CACNG2: variants seen among roughly 807,000 people sequenced by gnomAD.
The protein encoded by CACNG2 is calcium voltage-gated channel auxiliary subunit gamma 2.
Under a neutral mutation model 25.9 loss-of-function variants are expected in CACNG2, and 3 were observed. The ratio of observed to expected loss-of-function variants is 0.12; its 90% confidence interval spans 0.05 to 0.30. The LOEUF (loss-of-function observed/expected upper bound fraction) is 0.30, where lower values mean the gene tolerates loss of function less well. CACNG2 is among the 10% of genes least tolerant of loss of function. The pLI is 1.00. For missense variants in CACNG2, 341 were observed against 432.5 expected (o/e 0.79, Z 1.88); for synonymous variants, 167 against 173.3 (o/e 0.96, Z 0.29).
chr22:36,640,434 G>A (rs1242161934), intron 1 of CACNG2, among the ~76,000 whole-genome samples: 1 of 152,238 alleles, frequency 6.6e-6, no homozygotes, highest in Non-Finnish European at 1.5e-5. Context: ...CGGAGGAGCA[G>A]TGCCTCTCTC....
intron 1 of CACNG2, among the ~76,000 whole-genome samples, chr22:36,595,065 G>A (rs1167812828): frequency 1.3e-5 from 2 of 151,672 alleles, no homozygotes; most frequent in Non-Finnish European, 2.9e-5. Flanking sequence ...GTGTCTTTGT[G>A]TGTGTCTCTG....
At chr22:36,660,881 T>A (rs1176306156) in intron 1 of CACNG2, among the ~76,000 whole-genome samples, 3 of 152,220 alleles carry the variant, frequency 2.0e-5, no homozygotes, top group Non-Finnish European at 2.9e-5. Flanking sequence ...GATAAATGAC[T>A]TACTCTCCTC....
chr22:36,684,382 G>A lies in CACNG2; in HGVS notation c.211+17984C>T, dbSNP rs540952752. Among the ~76,000 whole-genome samples, 24 of 152,186 alleles carry A rather than the reference G, an allele frequency of 1.6e-4. 1 individual carries two copies. The highest frequency in any genetic ancestry group is 1.4e-3 in the Admixed American group (22 of 15,294). Reference sequence around the variant, plus strand: ...TGTAATCCCAGAACTTTGGGAGGCCGAGGTGGGTGGATCCCTTGAGCTCAG... The same window carrying A: ...TGTAATCCCAGAACTTTGGGAGGCCAAGGTGGGTGGATCCCTTGAGCTCAG... On this transcript the variant is annotated intron_variant, in intron 1 of 3. Transcript: ENST00000300105.
At position 36,587,523 on chromosome 22, in the gene CACNG2, T is replaced by C; in HGVS notation, c.237A>G (p.Gln79=). The change falls in exon 2 of 4, where the codon CAA becomes CAG. Residue 79 remains glutamine, a synonymous_variant. Transcript: ENST00000300105. ...CTGCATCCTCTGGGAAGTGATCAATTTGCTTGCACAGACCTTTGAAATTCC... is the reference window on the plus strand; with the variant it reads ...CTGCATCCTCTGGGAAGTGATCAATCTGCTTGCACAGACCTTTGAAATTCC... ...LEGNFKGLCK[Q]IDHFPEDADY... 6.2e-7 allele frequency: 1 copy of C among 1,613,584 alleles called. No individual in the cohort carries two copies. Among genetic ancestry groups the C allele is most frequent in the Non-Finnish European group, 8.5e-7 (1 of 1,179,454 alleles).
chr22:36,613,412 C>A (rs1221020648), intron 1 of CACNG2, among the ~76,000 whole-genome samples: 2 of 152,186 alleles, frequency 1.3e-5, no homozygotes, highest in Non-Finnish European at 2.9e-5. Flanking sequence ...GCCCCTACAG[C>A]TTTTGCTATG....
intron 1 of CACNG2, among the ~76,000 whole-genome samples, chr22:36,661,966 CTTTTTTTTTTTTTT>C (rs71193254): frequency 0.086 from 3,852 of 44,658 alleles, 250 homozygotes; most frequent in African/African-American, 0.16. Flanking sequence ...CATTGCTATT[CTTTTTTTTTTTTTT>C]TTTTTTTTTT....
At chr22:36,679,738 C>G (rs1225760246) in intron 1 of CACNG2, among the ~76,000 whole-genome samples, 1 of 152,124 alleles carries the variant, frequency 6.6e-6, no homozygotes, top group Non-Finnish European at 1.5e-5. Context: ...TCTCCCTGTT[C>G]TCTTAACTTG....
intron 1 of CACNG2, among the ~76,000 whole-genome samples, chr22:36,639,363 T>C (rs1350012304): frequency 6.6e-6 from 1 of 152,174 alleles, no homozygotes; most frequent in East Asian, 1.9e-4. Context: ...TTAGGGAAGG[T>C]CTTATAACTG....
chr22:36,583,707 C>T (rs1012716615), intron 2 of CACNG2, among the ~76,000 whole-genome samples: 1 of 152,214 alleles, frequency 6.6e-6, no homozygotes, highest in Admixed American at 6.5e-5. Context: ...ATCACCATGG[C>T]TACACTCTGG....
At chr22:36,579,447 T>C (rs1467692428) in intron 2 of CACNG2, among the ~76,000 whole-genome samples, 1 of 141,950 alleles carries the variant, frequency 7.0e-6, no homozygotes, top group Non-Finnish European at 1.5e-5. Context: ...GGCTGTCTTG[T>C]CAAATACATA....
intron 2 of CACNG2, among the ~76,000 whole-genome samples, chr22:36,568,065 G>A (rs1290499909): frequency 1.3e-5 from 2 of 152,130 alleles, no homozygotes; most frequent in African/African-American, 4.8e-5. Flanking sequence ...GGCCAGGCTG[G>A]TCTCAAACTC....
intron 2 of CACNG2, among the ~76,000 whole-genome samples, chr22:36,582,327 G>A (rs1001221828): frequency 6.6e-6 from 1 of 151,926 alleles, no homozygotes; most frequent in Non-Finnish European, 1.5e-5. Flanking sequence ...CTTGTCTCAC[G>A]GGGCTCAGTC....
At chr22:36,593,375 G>A (rs1192975285) in intron 1 of CACNG2, among the ~76,000 whole-genome samples, 5 of 152,168 alleles carry the variant, frequency 3.3e-5, no homozygotes, top group South Asian at 2.1e-4. Flanking sequence ...GAATGGCGGC[G>A]GCCATGAGGG....
chr22:36,652,526 C>A (rs964998851), intron 1 of CACNG2, among the ~76,000 whole-genome samples: 1 of 152,196 alleles, frequency 6.6e-6, no homozygotes, highest in African/African-American at 2.4e-5. Context: ...AGGCCTCAGG[C>A]TCTTTCTGAA....
chr22:36,564,258 G>T lies in CACNG2; in HGVS notation c.*93C>A, dbSNP rs1935083978. The T allele has an allele frequency of 9.4e-7, 1 of 1,068,642 alleles. No individual in the cohort carries two copies. The highest frequency in any genetic ancestry group is 1.3e-6 in the Non-Finnish European group (1 of 770,992). The allele number at this position is 1,068,642 out of a possible 1,614,324, so 66.2% of individuals were successfully genotyped here. ...TTGTTTTTTGTTTTTGCTTTTGGAAGGTCTCCCAGCGGAGGGTCTGGGTCT... is the reference window on the plus strand; with the variant it reads ...TTGTTTTTTGTTTTTGCTTTTGGAATGTCTCCCAGCGGAGGGTCTGGGTCT... On this transcript the variant is annotated 3_prime_UTR_variant, in exon 4 of 4. Coordinates refer to ENST00000300105, the MANE Select transcript of CACNG2 (RefSeq NM_006078.5). This position sits in a 1 kb window ranked among gnomAD's most constrained non-coding sequence, Gnocchi z 6.7.
chr22:36,645,313 G>A (rs192999079), intron 1 of CACNG2, among the ~76,000 whole-genome samples: 14 of 152,108 alleles, frequency 9.2e-5, no homozygotes, highest in Middle Eastern at 3.4e-3. Context: ...TGAGACGGGC[G>A]GATCACGAGA....
intron 1 of CACNG2, among the ~76,000 whole-genome samples, chr22:36,669,228 G>A (rs940188853): frequency 4.6e-5 from 7 of 152,168 alleles, no homozygotes; most frequent in Non-Finnish European, 7.4e-5. Flanking sequence ...GAGGCTGGGC[G>A]TGGTGGCTCA....
In CACNG2 at chr22:36,566,504, C is replaced by T; in HGVS notation, c.296-11G>A. 2 of 1,613,976 alleles carry T rather than the reference C, an allele frequency of 1.2e-6. No homozygotes were observed. Among genetic ancestry groups the T allele is most frequent in the South Asian group, 1.1e-5 (1 of 91,090 alleles). On this transcript the variant is annotated splice_polypyrimidine_tract_variant and intron_variant, in intron 2 of 3. Coordinates refer to ENST00000300105, the MANE Select transcript of CACNG2 (RefSeq NM_006078.5). ...AGGCCCTCACGGCCCCTGTGGAACA[C>T]AGAGGGTCAGGGAGAAAGAGAACGG...
At chr22:36,645,536 C>CAAAAAAAA (rs200600420) in intron 1 of CACNG2, among the ~76,000 whole-genome samples, 127 of 134,838 alleles carry the variant, frequency 9.4e-4, no homozygotes, top group African/African-American at 2.9e-3. Flanking sequence ...GACTCTGTCT[C>CAAAAAAAA]AAAAAAAAAA....
Sources: allele counts gnomAD v4.1 joint callset (sites outside exome capture counted in the v4.1 genomes callset), GRCh38; gene constraint gnomAD v4.1.1; non-coding constraint Gnocchi (gnomAD v3.1); transcripts MANE v1.5; gene names NCBI Gene and HGNC (gene_info 2026-07-23, HGNC 2026-07-21).